The following GADL1 variants were observed in gnomAD, a reference collection of about 807,000 sequenced individuals.
GADL1 encodes the protein GAD like acidic amino acid decarboxylase 1, also known as acidic amino acid decarboxylase GADL1.
A neutral mutation model predicts 69.5 loss-of-function variants in GADL1; 71 were observed. That is an observed-to-expected ratio of 1.02 (90% CI 0.84 to 1.25). GADL1 has a LOEUF of 1.25. Among genes scored for constraint, GADL1 ranks in the 50% most tolerant of loss-of-function variants. GADL1 has a pLI of 0.00. For missense variants in GADL1, 737 were observed against 631.8 expected (o/e 1.17, Z -1.79); for synonymous variants, 254 against 214.4 (o/e 1.18, Z -1.62).
At position 30,834,326 on chromosome 3, in the gene GADL1, ATTTG is replaced by A. The variant is rs988561813; in HGVS notation, c.904-49_904-46del. ...ACCAGAACAATGTTATTTCAATGTT[ATTTG>A]TTTACCAGTGGGTTGTCATAGAAAA... On this transcript the variant is annotated intron_variant, in intron 9 of 14. Coordinates refer to ENST00000282538, the MANE Select transcript of GADL1 (RefSeq NM_207359.3). The A allele has an allele frequency of 9.2e-6, 14 of 1,523,178 alleles. No individual in the cohort carries two copies. The African/African-American group carries it at 1.1e-4, about 12-fold the overall frequency. The allele number at this position is 1,523,178 out of a possible 1,614,324, so 94.4% of individuals were successfully genotyped here.
chr3:30,845,337 A>T (rs1450489043), intron 6 of GADL1, among the ~76,000 whole-genome samples: 2 of 152,200 alleles, frequency 1.3e-5, no homozygotes, highest in East Asian at 3.9e-4. Flanking sequence ...CTCTTCATAC[A>T]TTAGTGAGGA....
intron 12 of GADL1, among the ~76,000 whole-genome samples, chr3:30,791,386 G>C (rs1270990891): frequency 6.6e-6 from 1 of 152,118 alleles, no homozygotes; most frequent in East Asian, 1.9e-4. Context: ...TAATTGTGCA[G>C]CTAAATAACT....
At chr3:30,894,033 A>G (rs1375110432) in intron 1 of GADL1, among the ~76,000 whole-genome samples, 1 of 152,244 alleles carries the variant, frequency 6.6e-6, no homozygotes, top group East Asian at 1.9e-4. Context: ...CCTGAGTTAT[A>G]AAGACAGTTT....
chr3:30,886,264 G>C (rs750424803), intron 1 of GADL1, among the ~76,000 whole-genome samples: 1 of 151,986 alleles, frequency 6.6e-6, no homozygotes, highest in Non-Finnish European at 1.5e-5. Context: ...GGAATTTGAG[G>C]ATTAGATTGA....
intron 11 of GADL1, among the ~76,000 whole-genome samples, chr3:30,816,541 T>A (rs1443533123): frequency 1.6e-5 from 1 of 62,254 alleles, no homozygotes; most frequent in Non-Finnish European, 3.3e-5. Context: ...TTTTTTTTTT[T>A]TTTTTTTTTT....
intron 1 of GADL1, among the ~76,000 whole-genome samples, chr3:30,878,991 C>T (rs1268415743): frequency 1.3e-5 from 2 of 151,870 alleles, no homozygotes; most frequent in African/African-American, 4.8e-5. Context: ...GAATACTTTT[C>T]TTGATGACTT....
intron 3 of GADL1, among the ~76,000 whole-genome samples, chr3:30,855,452 G>A (rs1698214794): frequency 6.6e-6 from 1 of 151,998 alleles, no homozygotes. Flanking sequence ...ATGGCACTGA[G>A]CAGCCTTTTC....
intron 12 of GADL1, among the ~76,000 whole-genome samples, chr3:30,787,972 C>T (rs923457486): frequency 1.3e-5 from 2 of 151,986 alleles, no homozygotes; most frequent in African/African-American, 4.8e-5. Flanking sequence ...TATCTATATG[C>T]AATTGTATTA....
At chr3:30,754,614 G>A (rs1196696789) in intron 14 of GADL1, among the ~76,000 whole-genome samples, 1 of 133,736 alleles carries the variant, frequency 7.5e-6, no homozygotes, top group Non-Finnish European at 1.5e-5. Flanking sequence ...ATAGTTGACT[G>A]TAAATGAGCC....
intron 11 of GADL1, among the ~76,000 whole-genome samples, chr3:30,830,748 G>T (rs1270300858): frequency 6.6e-6 from 1 of 151,664 alleles, no homozygotes; most frequent in East Asian, 1.9e-4. Flanking sequence ...CTTAGATTTG[G>T]GTCCATATGC....
In GADL1 at chr3:30,801,086, A is replaced by T. The variant is rs1697154093; in HGVS notation, c.1053T>A (p.Asp351Glu). 6.3e-7 allele frequency: 1 copy of T among 1,594,442 alleles called. No homozygotes were observed. Among genetic ancestry groups the T allele is most frequent in the Non-Finnish European group, 8.6e-7 (1 of 1,167,698 alleles). ...TGGCAGAGTAGCATTTTTTAAGAAG[A>T]TCCTTCGAAAAAGAAAAGATTACAA... ...CCALLVKDKS[D>E]LLKKCYSAKA... is the part of the protein sequence containing the mutation. Residue 351 changes from aspartate to glutamate, a missense_variant and splice_region_variant, in exon 12 of 15, where the codon GAT (aspartate) becomes GAA (glutamate). Asp to Glu is a conservative substitution (Grantham distance 45). Coordinates refer to ENST00000282538, the MANE Select transcript of GADL1 (RefSeq NM_207359.3).
rs144841987 is a variant in GADL1 at position 30,781,507 on chromosome 3, A to C, written c.1303-3239T>G. Among the ~76,000 whole-genome samples, 20 of 152,336 alleles carry C rather than the reference A, an allele frequency of 1.3e-4. No homozygotes were observed. The East Asian group carries it at 2.1e-3, about 16-fold the overall frequency. On this transcript the variant is annotated intron_variant, in intron 13 of 14. Transcript: ENST00000282538. ...CACACAGATTCAAACAATCATGCAA[A>C]TATAGAGTGAAGGAAAAGCTGGAAT...
chr3:30,761,926 TTATATG>T (rs956700239), intron 14 of GADL1, among the ~76,000 whole-genome samples: 1 of 152,174 alleles, frequency 6.6e-6, no homozygotes, highest in African/African-American at 2.4e-5. Flanking sequence ...TGTATATGTA[TTATATG>T]TATATAATAT....
At chr3:30,869,154 A>C (rs1321715568) in intron 1 of GADL1, among the ~76,000 whole-genome samples, 1 of 151,868 alleles carries the variant, frequency 6.6e-6, no homozygotes, top group Non-Finnish European at 1.5e-5. Flanking sequence ...AGAAAAATTG[A>C]GATTTAAAAA....
At chr3:30,786,561 C>A (rs1236727278) in intron 12 of GADL1, among the ~76,000 whole-genome samples, 155 bp from the exon 13 acceptor site, 1 of 152,140 alleles carries the variant, frequency 6.6e-6, no homozygotes, top group Non-Finnish European at 1.5e-5. Context: ...GATAAATACT[C>A]CAGACCTACT....
intron 6 of GADL1, among the ~76,000 whole-genome samples, chr3:30,847,370 C>T (rs1217819607): frequency 1.3e-5 from 2 of 152,074 alleles, no homozygotes; most frequent in African/African-American, 4.8e-5. Context: ...TGGGGTAGCA[C>T]AAAAACTGGA....
chr3:30,870,651 G>A (rs1307808133), intron 1 of GADL1, among the ~76,000 whole-genome samples: 2 of 151,666 alleles, frequency 1.3e-5, no homozygotes, highest in African/African-American at 2.4e-5. Flanking sequence ...GACTGCTTAG[G>A]TCACAACTGT....
intron 1 of GADL1, among the ~76,000 whole-genome samples, chr3:30,872,396 A>G (rs565888435): frequency 7.9e-5 from 12 of 152,070 alleles, no homozygotes; most frequent in Non-Finnish European, 1.8e-4. Context: ...CTCCTCTGAC[A>G]TCTTGGCTGT....
At chr3:30,811,310 G>A (rs1697351324) in intron 11 of GADL1, among the ~76,000 whole-genome samples, 1 of 152,168 alleles carries the variant, frequency 6.6e-6, no homozygotes, top group Non-Finnish European at 1.5e-5. Context: ...AGAGAGGAAA[G>A]TTGGACTCAG....
Sources: gnomAD v4.1 joint callset for allele counts (sites outside exome capture counted in the v4.1 genomes callset) on GRCh38, gnomAD v4.1.1 for gene constraint, MANE v1.5 for transcripts, NCBI Gene and HGNC (gene_info 2026-07-23, HGNC 2026-07-21) for gene names.